TBL1X: variants seen among roughly 807,000 people sequenced by gnomAD.
TBL1X encodes the protein transducin beta like 1 X-linked.
TBL1X carries 10 observed loss-of-function variants against 50.7 expected under a neutral mutation model. The observed-to-expected ratio is 0.20, with a 90% CI of 0.12 to 0.33. The LOEUF (loss-of-function observed/expected upper bound fraction) is 0.33, where lower values mean the gene tolerates loss of function less well. Among genes scored for constraint, TBL1X ranks in the 10% least tolerant of loss-of-function variants. The probability of loss-of-function intolerance (pLI) is 1.00; values close to 1 mark genes in which losing one functional copy is unlikely to be tolerated. For missense variants in TBL1X, 340 were observed against 504.4 expected (o/e 0.67, Z 3.12); for synonymous variants, 190 against 214.7 (o/e 0.88, Z 1.01).
intron 2 of TBL1X, among the ~76,000 whole-genome samples, chrX:9,530,154 A>G (rs1601736181): frequency 1.8e-5 from 2 of 111,954 alleles, no homozygotes; most frequent in Middle Eastern, 9.3e-3. Context: ...GTTATTGTTG[A>G]TGTCTTCCAA....
At chrX:9,584,805 GA>G (rs2082459802) in intron 2 of TBL1X, among the ~76,000 whole-genome samples, 1 of 111,748 alleles carries the variant, frequency 8.9e-6, no homozygotes, top group South Asian at 3.7e-4. Flanking sequence ...TCCATTTGTG[GA>G]AAATACTCAG....
At chrX:9,480,754 G>GACCC (rs2081877049) in intron 1 of TBL1X, among the ~76,000 whole-genome samples, 1 of 49,906 alleles carries the variant, frequency 2.0e-5, no homozygotes. Flanking sequence ...TCTAAATTAA[G>GACCC]CCACCCCCCC....
At chrX:9,479,319 G>A (rs963534491) in intron 1 of TBL1X, among the ~76,000 whole-genome samples, 1 of 112,057 alleles carries the variant, frequency 8.9e-6, no homozygotes, top group Non-Finnish European at 1.9e-5. Flanking sequence ...GGTAGCACAC[G>A]CCTGTAATCC....
chrX:9,595,054 T>G (rs906824634), intron 2 of TBL1X, among the ~76,000 whole-genome samples: 6 of 111,827 alleles, frequency 5.4e-5, no homozygotes, highest in African/African-American at 2.0e-4. Context: ...TTTCCAAGGT[T>G]AGGTTACAGT....
At chrX:9,547,072 C>A (rs1264414180) in intron 2 of TBL1X, among the ~76,000 whole-genome samples, 1 of 109,706 alleles carries the variant, frequency 9.1e-6, no homozygotes, top group Admixed American at 9.6e-5. Flanking sequence ...CCCGCCTCGG[C>A]CTCCCAAAGT....
At chrX:9,623,448 A>T (rs5979138) in intron 2 of TBL1X, among the ~76,000 whole-genome samples, 4,650 of 110,649 alleles carry the variant, frequency 0.042, 260 homozygotes, top group African/African-American at 0.15. Context: ...GCACTTTGGG[A>T]GGGTGAAGTG....
Position 9,642,010 on chromosome X carries a change from AG to A in TBL1X, c.-43+1652del, listed in dbSNP as rs937204816. On this transcript the variant is annotated intron_variant, in intron 3 of 17. Transcript: ENST00000645353. ...TATGGTACCTCTGTTGAACATTTTG[AG>A]GAACTGAATTTTTCCAAAGTGGCTG... Among the ~76,000 whole-genome samples the A allele has an allele frequency of 4.5e-5, 5 of 112,048 alleles. No homozygotes were observed. In the Middle Eastern group the frequency reaches 0.014, roughly 311 times the overall value.
intron 5 of TBL1X, among the ~76,000 whole-genome samples, chrX:9,663,654 T>G (rs995594175): frequency 2.8e-5 from 3 of 108,467 alleles, no homozygotes; most frequent in African/African-American, 1.0e-4. Flanking sequence ...CCAGCTACTC[T>G]GGAGGCTGAG....
At chrX:9,700,033 T>C (rs1459833914) in intron 12 of TBL1X, among the ~76,000 whole-genome samples, 2 of 112,527 alleles carry the variant, frequency 1.8e-5, no homozygotes, top group African/African-American at 6.5e-5. Context: ...CATTCCATCT[T>C]TCCCTGGCAA....
intron 3 of TBL1X, among the ~76,000 whole-genome samples, chrX:9,643,934 G>A (rs777864555): frequency 3.8e-4 from 43 of 111,921 alleles, no homozygotes; most frequent in African/African-American, 1.4e-3. Flanking sequence ...ATGGGGCACC[G>A]CCTGCCTTTC....
At chrX:9,708,047 C>T in intron 13 of TBL1X, among the ~76,000 whole-genome samples, 1 of 112,188 alleles carries the variant, frequency 8.9e-6, no homozygotes, top group Non-Finnish European at 1.9e-5. Flanking sequence ...GCCGGGACAG[C>T]AGGTGTCACA....
rs774181046 is a variant in TBL1X at position 9,546,803 on chromosome X, A to ATTTTTTTTTTT, written c.-131+44977_-131+44987dup. On this transcript the variant is annotated intron_variant, in intron 2 of 17. Coordinates refer to ENST00000645353, the MANE Select transcript of TBL1X (RefSeq NM_005647.4). ...ATCACTATGGATTCATTTATTCTTA[A>ATTTTTTTTTTT]TTTTTTTTTTTTTTTTTTTTTTTTT... 1.9e-3 allele frequency among the ~76,000 whole-genome samples: 85 copies of ATTTTTTTTTTT among 44,981 alleles called. 5 individuals are homozygous for ATTTTTTTTTTT. The highest frequency in any genetic ancestry group is 2.8e-3 in the Non-Finnish European group (72 of 26,099). 39.1% of individuals were successfully genotyped at this position (44,981 alleles called of 115,157 possible). A position where few individuals can be genotyped will look rare whatever the true frequency, so the allele number is the denominator to read the frequency against.
At chrX:9,629,522 G>A (rs888650242) in intron 2 of TBL1X, among the ~76,000 whole-genome samples, 1 of 112,245 alleles carries the variant, frequency 8.9e-6, no homozygotes, top group Non-Finnish European at 1.9e-5. Context: ...GACAAATTAT[G>A]ATAGAGAGCA....
chrX:9,646,521 G>A (rs1332175329), intron 3 of TBL1X, among the ~76,000 whole-genome samples: 2 of 112,206 alleles, frequency 1.8e-5, no homozygotes, highest in East Asian at 5.6e-4. Flanking sequence ...GAGTTTGCTC[G>A]TTTCCATGAA....
intron 1 of TBL1X, among the ~76,000 whole-genome samples, chrX:9,474,304 G>A (rs2081835716): frequency 8.9e-6 from 1 of 112,921 alleles, no homozygotes; most frequent in Non-Finnish European, 1.9e-5. Flanking sequence ...TATGATGTAG[G>A]TCCCCAAAGG....
intron 2 of TBL1X, chrX:9,636,485 A>AAACAACAACAAC (rs60010378): frequency 1.6e-3 from 161 of 101,566 alleles, no homozygotes; most frequent in South Asian, 6.4e-3. Context: ...AAACAAAGCA[A>AAACAACAACAAC]AACAACAACA....
intron 2 of TBL1X, among the ~76,000 whole-genome samples, chrX:9,518,909 TAGG>T (rs775983625): frequency 5.4e-5 from 6 of 110,748 alleles, no homozygotes; most frequent in Non-Finnish European, 9.5e-5. Flanking sequence ...CCTACCCATG[TAGG>T]AGGTGGTGGA....
chrX:9,471,013 C>T (rs1601699232), intron 1 of TBL1X, among the ~76,000 whole-genome samples: 1 of 112,331 alleles, frequency 8.9e-6, no homozygotes, highest in Non-Finnish European at 1.9e-5. Context: ...TGAAATGTAT[C>T]AGAAGGTTAT....
intron 1 of TBL1X, among the ~76,000 whole-genome samples, chrX:9,469,883 G>A (rs1000145886): frequency 8.9e-6 from 1 of 112,488 alleles, no homozygotes; most frequent in African/African-American, 3.2e-5. Flanking sequence ...GAATCCATCC[G>A]CTCTTCCAGT....
Sources: allele counts gnomAD v4.1 joint callset (sites outside exome capture counted in the v4.1 genomes callset), GRCh38; gene constraint gnomAD v4.1.1; transcripts MANE v1.5; gene names NCBI Gene and HGNC (gene_info 2026-07-23, HGNC 2026-07-21).